PTPRF: variants seen among roughly 807,000 people sequenced by gnomAD.
PTPRF encodes receptor-type tyrosine-protein phosphatase F.
Under a neutral mutation model 201.8 loss-of-function variants are expected in PTPRF, and 59 were observed. That is an observed-to-expected ratio of 0.29 (90% CI 0.24 to 0.36). The LOEUF (loss-of-function observed/expected upper bound fraction) is 0.36, where lower values mean the gene tolerates loss of function less well. Among genes scored for constraint, PTPRF ranks in the 10% least tolerant of loss-of-function variants. The probability of loss-of-function intolerance (pLI) is 1.00; values close to 1 mark genes in which losing one functional copy is unlikely to be tolerated. For synonymous variants in PTPRF, 1,088 were observed against 1,089.7 expected, an observed-to-expected ratio of 1.00 and a Z score of 0.03; for missense variants, 2,132 against 2,690.5, an observed-to-expected ratio of 0.79 and a Z score of 4.59.
rs754039090 is a variant in PTPRF, at chr1:43,623,663, C to G, written c.*1660C>G. On this transcript the variant is annotated 3_prime_UTR_variant, in exon 34 of 34. Coordinates refer to ENST00000359947, the MANE Select transcript of PTPRF (RefSeq NM_002840.5). ...TAAATTTGAATAATCAGATTTCTTACAAACCAGGACTCTGTCTCAGCTGTT... is the reference window on the plus strand; with the variant it reads ...TAAATTTGAATAATCAGATTTCTTAGAAACCAGGACTCTGTCTCAGCTGTT... 3 of 152,596 alleles carry G rather than the reference C, an allele frequency of 2.0e-5. No individual in the cohort carries two copies. The highest frequency in any genetic ancestry group is 6.5e-5 in the Admixed American group (1 of 15,276). 9.5% of individuals were successfully genotyped at this position (152,596 alleles called of 1,614,324 possible).
At chr1:43,529,889 G>A (rs1390295843), upstream of PTPRF, among the ~76,000 whole-genome samples, 1 of 152,150 alleles carries the variant, frequency 6.6e-6, no homozygotes, top group East Asian at 1.9e-4. Context: ...ATTACATTTA[G>A]AGGGCATTAT....
intron 7 of PTPRF, among the ~76,000 whole-genome samples, chr1:43,583,540 T>C (rs1648306095): frequency 6.6e-6 from 1 of 152,158 alleles, no homozygotes; most frequent in Admixed American, 6.5e-5. Flanking sequence ...AGACCCAGGC[T>C]CAGCCGAAAC....
intron 5 of PTPRF, among the ~76,000 whole-genome samples, chr1:43,563,967 G>A (rs1344945198): frequency 1.3e-5 from 2 of 152,154 alleles, no homozygotes; most frequent in Non-Finnish European, 2.9e-5. Flanking sequence ...GGGGTGCCAG[G>A]GAAACCCGAG....
intron 5 of PTPRF, among the ~76,000 whole-genome samples, chr1:43,565,662 C>T (rs1255143600): frequency 2.0e-5 from 3 of 152,010 alleles, no homozygotes; most frequent in Non-Finnish European, 4.4e-5. Context: ...AGGCAGATGG[C>T]CCCTCCCCGC....
chr1:43,562,016 G>A (rs1472041331), intron 5 of PTPRF, among the ~76,000 whole-genome samples: 1 of 152,218 alleles, frequency 6.6e-6, no homozygotes, highest in African/African-American at 2.4e-5. Flanking sequence ...GGCTCACCAG[G>A]ATGGCGGTTT....
intron 5 of PTPRF, among the ~76,000 whole-genome samples, chr1:43,568,351 C>T (rs1190983722): frequency 6.6e-6 from 1 of 152,008 alleles, no homozygotes; most frequent in Non-Finnish European, 1.5e-5. Context: ...GGAAGGGCCT[C>T]TCACCAGCCT....
rs1014821958 is a variant in PTPRF, at chr1:43,537,129, C to T, written c.-125-1069C>T. Among the ~76,000 whole-genome samples the T allele has an allele frequency of 2.0e-5, 3 of 152,008 alleles. No individual in the cohort carries two copies. The highest frequency in any genetic ancestry group is 6.5e-5 in the Admixed American group (1 of 15,272). On this transcript the variant is annotated intron_variant, in intron 1 of 33. Coordinates refer to ENST00000359947, the MANE Select transcript of PTPRF (RefSeq NM_002840.5). This position sits in a 1 kb window ranked among gnomAD's most constrained non-coding sequence, Gnocchi z 4.8. The stretch of plus-strand genomic sequence containing the variant: ...GCCTGCTGCAAGGTGCAGCTTGCGT[C>T]GAGTAGGCCAAACAGCTGAGCTTCC...
At chr1:43,615,375 C>T (rs1014952510) in intron 23 of PTPRF, among the ~76,000 whole-genome samples, 2 of 152,090 alleles carry the variant, frequency 1.3e-5, no homozygotes, top group Non-Finnish European at 2.9e-5. Flanking sequence ...CGCAGCCCTG[C>T]TTCCCCATCT....
In PTPRF at chr1:43,553,938, G is replaced by A. The variant is rs776445536; in HGVS notation, c.376G>A (p.Glu126Lys). 53 of 1,613,990 alleles carry A rather than the reference G, an allele frequency of 3.3e-5. 1 individual carries two copies. In the Admixed American group the frequency reaches 6.8e-4, roughly 21 times the overall value. Reference sequence around the variant, plus strand: ...CACTAGTGCCAAGCTCTCAGTGCTCGAAGGTACGTGCTAGGGAGACGTGGC... The same window carrying A: ...CACTAGTGCCAAGCTCTCAGTGCTCAAAGGTACGTGCTAGGGAGACGTGGC... ...INTSAKLSVL[E>K]EEQLPPGFPS... The change falls in exon 5 of 34, where the codon GAA becomes AAA. Residue 126 changes from glutamate to lysine, a missense_variant. Physicochemically the swap from Glu to Lys is moderately conservative, Grantham distance 56. This residue lies in a region of PTPRF where 297 missense variants were observed against 454.0 expected (regional missense o/e 0.65). Coordinates refer to ENST00000359947, the MANE Select transcript of PTPRF (RefSeq NM_002840.5). The surrounding 1 kb of genome is among the most constrained non-coding windows in gnomAD (Gnocchi z 4.1).
chr1:43,587,872 C>T (rs537728057), intron 7 of PTPRF, among the ~76,000 whole-genome samples: 6 of 152,196 alleles, frequency 3.9e-5, no homozygotes, highest in Non-Finnish European at 8.8e-5. Context: ...GCGGGTGGTT[C>T]TAGGCTGTAC....
chr1:43,617,384 A>T (rs1291961970), intron 23 of PTPRF, 61 bp from the exon 24 acceptor site: 4 of 1,604,360 alleles, frequency 2.5e-6, no homozygotes, highest in Non-Finnish European at 3.4e-6. Context: ...GGTCCCCTGC[A>T]GGAGAAGCAG....
intron 5 of PTPRF, among the ~76,000 whole-genome samples, chr1:43,566,210 C>G (rs1368805770): frequency 6.6e-6 from 1 of 152,200 alleles, no homozygotes; most frequent in Non-Finnish European, 1.5e-5. Flanking sequence ...GGGGGCCTAC[C>G]ACCCGGTCTC....
Position 43,605,607 on chromosome 1 carries a change from A to T in PTPRF, c.3468A>T (p.Glu1156Asp). 1 of 1,614,076 alleles carries T rather than the reference A, an allele frequency of 6.2e-7. No homozygotes were observed. Among genetic ancestry groups the T allele is most frequent in the Non-Finnish European group, 8.5e-7 (1 of 1,179,982 alleles). ...CGCCAAGGTGGAGCACACCCGAGGA[A>T]CTGGAGCTGGACGAGGTACCTGGGG... ...MLTPRWSTPE[E>D]LELDELLEAI... Residue 1156 changes from glutamate to aspartate, a missense_variant, in exon 19 of 34, where the codon GAA becomes GAT. By Grantham distance (45) the Glu-to-Asp change is conservative (BLOSUM62 2). Transcript: ENST00000359947.
At chr1:43,580,970 C>T (rs971696585) in intron 7 of PTPRF, among the ~76,000 whole-genome samples, 29 of 152,378 alleles carry the variant, frequency 1.9e-4, no homozygotes, top group South Asian at 6.2e-4. Context: ...GATGGACCCC[C>T]GCATTGTCCT....
rs983404825 is a variant in PTPRF at position 43,546,964 on chromosome 1, A to G, written c.91+1798A>G. Among the ~76,000 whole-genome samples, 2 of 152,180 alleles carry G rather than the reference A, an allele frequency of 1.3e-5. No homozygotes were observed. The highest frequency in any genetic ancestry group is 4.8e-5 in the African/African-American group (2 of 41,442). On this transcript the variant is annotated intron_variant, in intron 3 of 33. Transcript: ENST00000359947. The surrounding 1 kb of genome is among the most constrained non-coding windows in gnomAD (Gnocchi z 4.2). Reference sequence around the variant, plus strand: ...CCTCGGCTCTTGGGCTTTTGCACGCAACAGCCTCCTGACGGTTTCCCTGCC... The same window carrying G: ...CCTCGGCTCTTGGGCTTTTGCACGCGACAGCCTCCTGACGGTTTCCCTGCC...
At position 43,607,512 on chromosome 1, in the gene PTPRF, G is replaced by A. The variant is rs567435679; in HGVS notation, c.3857+544G>A. On this transcript the variant is annotated intron_variant, in intron 21 of 33. Transcript: ENST00000359947. ...TGTCTTTCCCACTCAGTTCTCTATC[G>A]GCAGTGGCCACCACCTGCCCTAGGA... Among the ~76,000 whole-genome samples the A allele has an allele frequency of 2.0e-4, 30 of 152,268 alleles. No individual in the cohort carries two copies. In the East Asian group the frequency reaches 4.6e-3, roughly 24 times the overall value.
intron 2 of PTPRF, among the ~76,000 whole-genome samples, chr1:43,543,815 G>T (rs1458748044): frequency 6.6e-6 from 1 of 152,184 alleles, no homozygotes; most frequent in African/African-American, 2.4e-5. Context: ...GGGCCCCAAG[G>T]CGTGTTCACC....
chr1:43,582,175 G>A (rs536695253), intron 7 of PTPRF, among the ~76,000 whole-genome samples: 22 of 152,308 alleles, frequency 1.4e-4, no homozygotes, highest in Middle Eastern at 3.4e-3. Context: ...CTGAGGCCAC[G>A]CGACTGCTAC....
intron 22 of PTPRF, chr1:43,612,661 C>T (rs1383740536): frequency 2.6e-5 from 27 of 1,056,096 alleles, no homozygotes; most frequent in Admixed American, 1.2e-4. Flanking sequence ...CAAGCCCGCT[C>T]GGCACCTCCA....
Sources: allele counts gnomAD v4.1 joint callset (sites outside exome capture counted in the v4.1 genomes callset), GRCh38; gene constraint gnomAD v4.1.1; regional missense constraint gnomAD v4.1.1; non-coding constraint Gnocchi (gnomAD v3.1); transcripts MANE v1.5; gene names NCBI Gene and HGNC (gene_info 2026-07-23, HGNC 2026-07-21).